Variants in EEA1 observed in about 807,000 individuals in gnomAD.
The protein encoded by EEA1 is early endosome antigen 1, also known as early endosome antigen 1, 162kD.
A neutral mutation model predicts 209.2 loss-of-function variants in EEA1; 111 were observed. That is an observed-to-expected ratio of 0.53 (90% CI 0.45 to 0.62). EEA1 has a LOEUF of 0.62. Ranked by LOEUF, EEA1 falls within the 20% of genes least tolerant of loss-of-function variation. The probability of loss-of-function intolerance (pLI) is 0.00; values close to 1 mark genes in which losing one functional copy is unlikely to be tolerated. For missense variants in EEA1, 1,343 were observed against 1,530.8 expected (o/e 0.88, Z 2.05); for synonymous variants, 536 against 540.6 (o/e 0.99, Z 0.12).
chr12:92,774,153 G>A lies in EEA1; in HGVS notation c.*1858C>T, dbSNP rs1390034559. 2 of 150,360 alleles carry A rather than the reference G, an allele frequency of 1.3e-5. No homozygotes were observed. The highest frequency in any genetic ancestry group is 4.9e-5 in the African/African-American group (2 of 41,040). The allele number at this position is 150,360 out of a possible 1,614,324, so 9.3% of individuals were successfully genotyped here. On this transcript the variant is annotated 3_prime_UTR_variant, in exon 29 of 29. Transcript: ENST00000322349. ...AGGATAGAATTAAAACTATTTGGAA[G>A]GATTTATAAGTATATAAAAATGCAT... is the stretch of plus-strand genomic sequence containing the variant.
At chr12:92,882,950 T>A (rs1030163868) in intron 2 of EEA1, among the ~76,000 whole-genome samples, 1 of 152,252 alleles carries the variant, frequency 6.6e-6, no homozygotes, top group Non-Finnish European at 1.5e-5. Flanking sequence ...AATGGATTAC[T>A]GGGTTGAATG....
Position 92,864,862 on chromosome 12 carries a change from C to G in EEA1, c.243G>C (p.Lys81Asn). 6.3e-7 allele frequency: 1 copy of G among 1,595,994 alleles called. No individual in the cohort carries two copies. Among genetic ancestry groups the G allele is most frequent in the Non-Finnish European group, 8.5e-7 (1 of 1,173,052 alleles). ...ACTTCAAAATTATCATACCGTACCG[C>G]TTCAAAGCAAGATTAGACTCTCCTC... ...GHGGESNLALKRDDVTLLRQE... is the reference protein window; with the variant it reads ...GHGGESNLALNRDDVTLLRQE... Residue 81 changes from lysine to asparagine, a missense_variant and splice_region_variant, in exon 3 of 29, where the codon AAG becomes AAC. Physicochemically the swap from Lys to Asn is moderately conservative, Grantham distance 94. This residue lies in a region of EEA1 where 1,307 missense variants were observed against 1,465.5 expected (regional missense o/e 0.89). Coordinates refer to ENST00000322349, the MANE Select transcript of EEA1 (RefSeq NM_003566.4).
chr12:92,792,384 G>C (rs1344177601), intron 21 of EEA1, among the ~76,000 whole-genome samples: 1 of 151,918 alleles, frequency 6.6e-6, no homozygotes, highest in African/African-American at 2.4e-5. Flanking sequence ...CTGCTAGCAA[G>C]ATTAATAAAG....
intron 12 of EEA1, among the ~76,000 whole-genome samples, chr12:92,827,706 C>T (rs1255680207): frequency 6.6e-6 from 1 of 152,162 alleles, no homozygotes; most frequent in Non-Finnish European, 1.5e-5. Flanking sequence ...GAGTAGTTTT[C>T]CTTGTGCATT....
Position 92,903,523 on chromosome 12 carries a change from A to G in EEA1, c.25-11802T>C, listed in dbSNP as rs1418263657. The stretch of plus-strand genomic sequence containing the variant: ...TGAGGCAGGAGAATCACTTGAACCC[A>G]GGAGGCGAAGGTTGTGGTGAGCTGA... On this transcript the variant is annotated intron_variant, in intron 1 of 28. Transcript: ENST00000322349. Among the ~76,000 whole-genome samples the G allele has an allele frequency of 2.0e-5, 3 of 151,736 alleles. No homozygotes were observed. The East Asian group carries it at 5.9e-4, about 30-fold the overall frequency.
At position 92,808,372 on chromosome 12, in the gene EEA1, T is replaced by C. The variant is rs536281544; in HGVS notation, c.2339+645A>G. Among the ~76,000 whole-genome samples the C allele has an allele frequency of 2.6e-5, 4 of 152,308 alleles. No homozygotes were observed. In the South Asian group the frequency reaches 8.3e-4, roughly 32 times the overall value. ...TAAAATCTGTGCATTTAACTATGTG[T>C]GAATTTCGCATCAATAAGAAAAACA... On this transcript the variant is annotated intron_variant, in intron 18 of 28. Transcript: ENST00000322349.
intron 9 of EEA1, among the ~76,000 whole-genome samples, chr12:92,848,344 G>A (rs1252615275): frequency 6.6e-6 from 1 of 152,014 alleles, no homozygotes; most frequent in Admixed American, 6.6e-5. Context: ...GTCATAGAAT[G>A]GGTGTGGTGA....
chr12:92,859,314 C>A, intron 3 of EEA1: 2 of 1,365,970 alleles, frequency 1.5e-6, no homozygotes, highest in Non-Finnish European at 2.0e-6. Context: ...TTGGCAAAGG[C>A]AACAGAGAAG....
intron 3 of EEA1, among the ~76,000 whole-genome samples, chr12:92,863,047 T>TG: frequency 6.6e-6 from 1 of 152,330 alleles, no homozygotes; most frequent in East Asian, 1.9e-4. Context: ...AAGTTATGGA[T>TG]GTAGATATTA....
rs555354736 is a variant in EEA1 at position 92,874,993 on chromosome 12, A to T, written c.118-10006T>A. ...GTAATTAAAATGTGTCAATTTAAAA[A>T]GTAAATAAATTTTTTTAAGTAATAT... is the stretch of plus-strand genomic sequence containing the variant. On this transcript the variant is annotated intron_variant, in intron 2 of 28. Coordinates refer to ENST00000322349, the MANE Select transcript of EEA1 (RefSeq NM_003566.4). Among the ~76,000 whole-genome samples the T allele has an allele frequency of 5.9e-5, 9 of 152,362 alleles. No individual in the cohort carries two copies. In the South Asian group the frequency reaches 1.9e-3, roughly 32 times the overall value.
chr12:92,891,477 T>C (rs1258042486), intron 2 of EEA1, 152 bp downstream of exon 2: 2 of 580,874 alleles, frequency 3.4e-6, no homozygotes, highest in Non-Finnish European at 5.9e-6. Flanking sequence ...GGCACAGGCA[T>C]ATAGCTACAA....
intron 13 of EEA1, 118 bp downstream of exon 13, chr12:92,826,048 A>G (rs1038466596): frequency 9.1e-7 from 1 of 1,102,230 alleles, no homozygotes; most frequent in African/African-American, 1.6e-5. Context: ...TGTACTTTCT[A>G]GTTTTACCAC....
chr12:92,855,639 A>C (rs1489635467), intron 5 of EEA1, among the ~76,000 whole-genome samples: 2 of 152,188 alleles, frequency 1.3e-5, no homozygotes, highest in Non-Finnish European at 2.9e-5. Flanking sequence ...ACCCATCTGA[A>C]AGAGTTTAAT....
At chr12:92,793,184 G>C (rs973889611) in intron 21 of EEA1, among the ~76,000 whole-genome samples, 1 of 152,068 alleles carries the variant, frequency 6.6e-6, no homozygotes, top group Non-Finnish European at 1.5e-5. Flanking sequence ...ATACTGAATG[G>C]GCAAAAACTG....
chr12:92,810,570 G>T (rs901083869), intron 17 of EEA1, among the ~76,000 whole-genome samples: 2 of 151,898 alleles, frequency 1.3e-5, no homozygotes, highest in African/African-American at 4.8e-5. Flanking sequence ...ATACACACAC[G>T]CTTCACCGGG....
chr12:92,860,677 G>A (rs1878107537), intron 3 of EEA1, among the ~76,000 whole-genome samples: 1 of 152,132 alleles, frequency 6.6e-6, no homozygotes, highest in South Asian at 2.1e-4. Flanking sequence ...CAGAAGGGAG[G>A]GCAGAGCTGG....
intron 22 of EEA1, among the ~76,000 whole-genome samples, chr12:92,786,163 A>G (rs762265380): frequency 6.6e-6 from 1 of 152,070 alleles, no homozygotes; most frequent in Non-Finnish European, 1.5e-5. Flanking sequence ...CCACACCACC[A>G]TCGTCTTGCA....
intron 22 of EEA1, among the ~76,000 whole-genome samples, chr12:92,787,346 G>C (rs1874178657): frequency 1.3e-5 from 2 of 151,956 alleles, no homozygotes; most frequent in Admixed American, 6.6e-5. Flanking sequence ...TAATAAACTT[G>C]ATACTTTATC....
At chr12:92,858,211 C>G in intron 3 of EEA1, 2 of 704,856 alleles carry the variant, frequency 2.8e-6, no homozygotes, top group East Asian at 2.6e-5. Context: ...GTCCTTGATG[C>G]CCACCTTCAA....
Sources: gnomAD v4.1 joint callset for allele counts (sites outside exome capture counted in the v4.1 genomes callset) on GRCh38, gnomAD v4.1.1 for gene constraint, gnomAD v4.1.1 regional missense constraint, MANE v1.5 for transcripts, NCBI Gene and HGNC (gene_info 2026-07-23, HGNC 2026-07-21) for gene names.